The following MYT1L variants were observed in gnomAD, a reference collection of about 807,000 sequenced individuals.
The protein encoded by MYT1L is myelin transcription factor 1 like.
MYT1L carries 12 observed loss-of-function variants against 126.7 expected under a neutral mutation model. The ratio of observed to expected loss-of-function variants is 0.09; its 90% CI spans 0.06 to 0.15. MYT1L has a LOEUF of 0.15. MYT1L is among the 10% of genes least tolerant of loss of function. The pLI is 1.00. For missense variants in MYT1L, 979 were observed against 1,585.2 expected (o/e 0.62, Z 6.49); for synonymous variants, 541 against 604.2 (o/e 0.90, Z 1.53).
At chr2:2,028,913 G>T (rs1025614484) in intron 4 of MYT1L, among the ~76,000 whole-genome samples, 1 of 152,136 alleles carries the variant, frequency 6.6e-6, no homozygotes. Context: ...GGACACATTG[G>T]GGGGCTTCTG....
chr2:2,087,311 G>A (rs1291195824), intron 3 of MYT1L, among the ~76,000 whole-genome samples: 1 of 152,156 alleles, frequency 6.6e-6, no homozygotes, highest in African/African-American at 2.4e-5. Context: ...GCCTTCATGT[G>A]CATGTTTTAC....
At chr2:2,155,520 C>T (rs576352514) in intron 3 of MYT1L, among the ~76,000 whole-genome samples, 20 of 152,260 alleles carry the variant, frequency 1.3e-4, no homozygotes, top group African/African-American at 4.6e-4. Context: ...CACAATCCTT[C>T]GTTTATTCAT....
chr2:1,992,660 C>A (rs2061535785), intron 5 of MYT1L, among the ~76,000 whole-genome samples: 1 of 152,208 alleles, frequency 6.6e-6, no homozygotes, highest in Admixed American at 6.5e-5. Flanking sequence ...TCCAAGCTGT[C>A]CATATTCATT....
chr2:1,998,332 C>T (rs559071801), intron 4 of MYT1L, among the ~76,000 whole-genome samples: 2 of 152,274 alleles, frequency 1.3e-5, no homozygotes, highest in East Asian at 1.9e-4. Flanking sequence ...ATGGAAGTGC[C>T]GCTGCACTTT....
At chr2:2,296,437 C>T (rs950903831) in intron 1 of MYT1L, among the ~76,000 whole-genome samples, 1 of 151,934 alleles carries the variant, frequency 6.6e-6, no homozygotes, top group Non-Finnish European at 1.5e-5. Flanking sequence ...TCCTTTTATT[C>T]AAGAAATTAA....
intron 3 of MYT1L, among the ~76,000 whole-genome samples, chr2:2,150,097 T>C (rs1003113372): frequency 1.7e-4 from 26 of 152,274 alleles, no homozygotes; most frequent in African/African-American, 6.3e-4. Flanking sequence ...GTGGGACAGG[T>C]TGTCTTAGAG....
chr2:1,946,373 C>T (rs1306550687), intron 8 of MYT1L, among the ~76,000 whole-genome samples: 1 of 152,084 alleles, frequency 6.6e-6, no homozygotes, highest in Admixed American at 6.6e-5. Flanking sequence ...ATCCTCTCCA[C>T]CCCCAAACCA....
At chr2:2,043,465 T>C (rs1021522219) in intron 4 of MYT1L, among the ~76,000 whole-genome samples, 2 of 152,208 alleles carry the variant, frequency 1.3e-5, no homozygotes, top group African/African-American at 2.4e-5. Context: ...AATGTGTTTG[T>C]TAACTTAATT....
At chr2:2,188,183 T>C (rs536520181) in intron 2 of MYT1L, among the ~76,000 whole-genome samples, 116 of 152,298 alleles carry the variant, frequency 7.6e-4, no homozygotes, top group African/African-American at 2.7e-3. Flanking sequence ...ACACCTATAT[T>C]TGTGTATGAA....
chr2:2,041,263 G>C (rs934728648), intron 4 of MYT1L, among the ~76,000 whole-genome samples: 5 of 152,106 alleles, frequency 3.3e-5, no homozygotes, highest in Admixed American at 6.6e-5. Flanking sequence ...TTGTGAAATC[G>C]CCACATTTGA....
At chr2:2,062,628 G>T (rs1264896228) in intron 3 of MYT1L, among the ~76,000 whole-genome samples, 2 of 152,176 alleles carry the variant, frequency 1.3e-5, no homozygotes, top group African/African-American at 4.8e-5. Context: ...GTTGTTGGGA[G>T]ATTTTTAATG....
At chr2:1,899,530 C>A (rs1315856124) in intron 14 of MYT1L, among the ~76,000 whole-genome samples, 3 of 152,184 alleles carry the variant, frequency 2.0e-5, no homozygotes, top group Admixed American at 6.5e-5. Context: ...TGTCAGCCTG[C>A]GTGGATTTCT....
In MYT1L at chr2:1,956,408, A is replaced by G. The variant is rs866258731; in HGVS notation, c.153-13074T>C. On this transcript the variant is annotated intron_variant, in intron 8 of 24. Transcript: ENST00000647738. Reference sequence around the variant, plus strand: ...TCCTATTCTTTCTATCTGTCTGTCTATCTATCTATCTATCTATCTATCTAT... The same window carrying G: ...TCCTATTCTTTCTATCTGTCTGTCTGTCTATCTATCTATCTATCTATCTAT... Among the ~76,000 whole-genome samples, 5 of 101,924 alleles carry G rather than the reference A, an allele frequency of 4.9e-5. 1 individual carries two copies. Among genetic ancestry groups the G allele is most frequent in the Non-Finnish European group, 8.2e-5 (4 of 48,988 alleles). The allele number at this position is 101,924 out of a possible 152,430, so 66.9% of individuals were successfully genotyped here.
At chr2:2,136,513 C>T (rs986868968) in intron 3 of MYT1L, among the ~76,000 whole-genome samples, 2 of 152,184 alleles carry the variant, frequency 1.3e-5, no homozygotes, top group African/African-American at 4.8e-5. Flanking sequence ...TTCCCTCGCC[C>T]TCAAGAGGAG....
chr2:2,028,540 G>T (rs1366551405), intron 4 of MYT1L, among the ~76,000 whole-genome samples: 2 of 152,126 alleles, frequency 1.3e-5, no homozygotes, highest in African/African-American at 4.8e-5. Flanking sequence ...TCTGAGTTCT[G>T]CACTTGAAAG....
At chr2:1,870,384 G>A (rs929508507) in intron 18 of MYT1L, among the ~76,000 whole-genome samples, 1 of 152,128 alleles carries the variant, frequency 6.6e-6, no homozygotes, top group East Asian at 1.9e-4. Flanking sequence ...CTATGGAAAG[G>A]TCATGAATGA....
intron 2 of MYT1L, among the ~76,000 whole-genome samples, chr2:2,216,856 C>T (rs1401921590): frequency 1.3e-5 from 2 of 151,794 alleles, no homozygotes; most frequent in Non-Finnish European, 2.9e-5. Flanking sequence ...CAATAGTGAG[C>T]CTACACTTAC....
At chr2:2,135,549 T>C (rs2082937364) in intron 3 of MYT1L, among the ~76,000 whole-genome samples, 1 of 152,234 alleles carries the variant, frequency 6.6e-6, no homozygotes, top group South Asian at 2.1e-4. Context: ...CATTGACCAT[T>C]CTGTCCCAAA....
intron 1 of MYT1L, among the ~76,000 whole-genome samples, chr2:2,298,802 A>G (rs899370724): frequency 2.6e-5 from 4 of 152,180 alleles, no homozygotes; most frequent in Non-Finnish European, 4.4e-5. Flanking sequence ...CGCAGTGCTC[A>G]GGAACAGTCC....
Sources: gnomAD v4.1 joint callset for allele counts (sites outside exome capture counted in the v4.1 genomes callset) on GRCh38, gnomAD v4.1.1 for gene constraint, MANE v1.5 for transcripts, NCBI Gene and HGNC (gene_info 2026-07-23, HGNC 2026-07-21) for gene names.